Variants in PRDM16 observed in about 807,000 individuals in gnomAD.
PRDM16 encodes the protein PR/SET domain 16, also known as histone-lysine N-methyltransferase PRDM16.
PRDM16 carries 23 observed loss-of-function variants against 110.6 expected under a neutral mutation model. That is an observed-to-expected ratio of 0.21 (90% CI 0.15 to 0.29). The LOEUF (loss-of-function observed/expected upper bound fraction) is 0.29. Ranked by LOEUF, PRDM16 falls within the 10% of genes least tolerant of loss-of-function variation. The pLI is 1.00. For synonymous variants in PRDM16, 799 were observed against 781.8 expected (o/e 1.02, Z -0.37); for missense variants, 1,615 against 1,794.3 (o/e 0.90, Z 1.81).
intron 2 of PRDM16, among the ~76,000 whole-genome samples, chr1:3,231,689 C>CT (rs1639419832): frequency 1.3e-5 from 2 of 152,238 alleles, no homozygotes; most frequent in Admixed American, 6.5e-5. Context: ...GGCAGGTGGC[C>CT]TTGGCCGTAC....
chr1:3,160,812 C>T lies in PRDM16; in HGVS notation c.38-25313C>T, dbSNP rs146202477. Among the ~76,000 whole-genome samples the T allele has an allele frequency of 7.6e-3, 1,151 of 152,346 alleles. 15 individuals carry two copies. Among genetic ancestry groups the T allele is most frequent in the African/African-American group, 0.026 (1,066 of 41,564 alleles). On this transcript the variant is annotated intron_variant, in intron 1 of 16. Coordinates refer to ENST00000270722, the MANE Select transcript of PRDM16 (RefSeq NM_022114.4). ...ATGGGCGGGGCACTGTTGCCACCTG[C>T]ACTTCCAGACAGGGTAGCTGGGCTC...
intron 3 of PRDM16, among the ~76,000 whole-genome samples, chr1:3,301,492 T>C (rs1051240456): frequency 6.6e-6 from 1 of 152,198 alleles, no homozygotes; most frequent in Non-Finnish European, 1.5e-5. Flanking sequence ...GTGACTCCTT[T>C]ATTAAACCCT....
At chr1:3,097,744 G>C (rs1346793130) in intron 1 of PRDM16, among the ~76,000 whole-genome samples, 5 of 152,192 alleles carry the variant, frequency 3.3e-5, no homozygotes, top group Non-Finnish European at 7.3e-5. Flanking sequence ...GGCCTGGGAA[G>C]GTTCCTCAGG....
At chr1:3,238,990 CG>C (rs1557550266) in intron 2 of PRDM16, among the ~76,000 whole-genome samples, 1 of 152,146 alleles carries the variant, frequency 6.6e-6, no homozygotes, top group Non-Finnish European at 1.5e-5. Flanking sequence ...TCCGCGTCTG[CG>C]GTGCCTGGGA....
chr1:3,166,730 C>T (rs12080488), intron 1 of PRDM16, among the ~76,000 whole-genome samples: 9,149 of 152,180 alleles, frequency 0.06, 780 homozygotes, highest in East Asian at 0.23. Context: ...GGCCTGGGGC[C>T]CGGCCCAGGT....
chr1:3,364,819 G>C (rs909497860), intron 3 of PRDM16, among the ~76,000 whole-genome samples: 1 of 152,242 alleles, frequency 6.6e-6, no homozygotes, highest in Non-Finnish European at 1.5e-5. Flanking sequence ...GCCCCGAGCA[G>C]GACACGTTGC....
chr1:3,171,559 T>TA, intron 1 of PRDM16, among the ~76,000 whole-genome samples: 1 of 152,250 alleles, frequency 6.6e-6, no homozygotes, highest in African/African-American at 2.4e-5. Context: ...GTATCCCACT[T>TA]ACAGCCTCCG....
Position 3,385,194 on chromosome 1 carries a change from A to G in PRDM16, c.481A>G (p.Asn161Asp), listed in dbSNP as rs374664141. The G allele has an allele frequency of 8.0e-5, 129 of 1,613,698 alleles. No homozygotes were observed. The African/African-American group carries it at 1.6e-3, about 20-fold the overall frequency. The change falls in exon 4 of 17, where the codon AAT becomes GAT. Residue 161 changes from asparagine (N) to aspartate (D), a missense_variant. Physicochemically the swap from Asn to Asp is conservative, Grantham distance 23. This residue lies in a region of PRDM16 where 416 missense variants were observed against 467.1 expected (regional missense o/e 0.89). Transcript: ENST00000270722. ...CAGTGAGAAGTTCTGCGTGGATGCA[A>G]ATCAGGCGGGGGCTGGCAGCTGGCT... is the stretch of plus-strand genomic sequence containing the variant. ...LGSEKFCVDA[N>D]QAGAGSWLKY...
At chr1:3,385,730 G>A (rs1001633173) in intron 4 of PRDM16, among the ~76,000 whole-genome samples, 1 of 152,188 alleles carries the variant, frequency 6.6e-6, no homozygotes, top group African/African-American at 2.4e-5. Context: ...GGCCAATGAG[G>A]CAGCCACTCG....
intron 1 of PRDM16, among the ~76,000 whole-genome samples, chr1:3,165,534 C>T: frequency 1.7e-5 from 2 of 115,104 alleles, no homozygotes; most frequent in Non-Finnish European, 1.7e-5. Flanking sequence ...GACAGTGACT[C>T]ACCTGGGCTC....
chr1:3,314,641 GTGT>G (rs754752346), intron 3 of PRDM16, among the ~76,000 whole-genome samples: 15 of 151,822 alleles, frequency 9.9e-5, no homozygotes, highest in Non-Finnish European at 1.8e-4. Context: ...GGGTTTTTGT[GTGT>G]TGTTGTTGTT....
Position 3,149,501 on chromosome 1 carries a change from T to G in PRDM16, c.38-36624T>G, listed in dbSNP as rs112702464. ...TGCCACTCCTGGCTGAGGACGTCAG[T>G]CTACACAAGGGTGCATACCTGTGTA... On this transcript the variant is annotated intron_variant, in intron 1 of 16. Transcript: ENST00000270722. 3.6e-3 allele frequency among the ~76,000 whole-genome samples: 545 copies of G among 152,256 alleles called. 5 individuals carry two copies. The highest frequency in any genetic ancestry group is 0.013 in the African/African-American group (523 of 41,554).
intron 3 of PRDM16, among the ~76,000 whole-genome samples, chr1:3,335,620 CA>C (rs1557617115): frequency 6.6e-6 from 1 of 151,916 alleles, no homozygotes; most frequent in African/African-American, 2.4e-5. Context: ...CACACACACA[CA>C]CACACACACA....
At chr1:3,087,286 C>T (rs1188245110) in intron 1 of PRDM16, among the ~76,000 whole-genome samples, 1 of 151,334 alleles carries the variant, frequency 6.6e-6, no homozygotes, top group Non-Finnish European at 1.5e-5. Context: ...GAGGCCAGCC[C>T]CACCTGAGAC....
chr1:3,225,517 A>T (rs1639265039), intron 2 of PRDM16, among the ~76,000 whole-genome samples: 2 of 144,702 alleles, frequency 1.4e-5, no homozygotes, highest in Admixed American at 1.4e-4. Flanking sequence ...TGACCTGATG[A>T]TGTGCAGCTT....
At chr1:3,291,590 G>A (rs1432045817) in intron 3 of PRDM16, among the ~76,000 whole-genome samples, 2 of 152,066 alleles carry the variant, frequency 1.3e-5, no homozygotes, top group Admixed American at 6.5e-5. Flanking sequence ...ATCCCCTCTT[G>A]AAGGGGCCTC....
At chr1:3,116,386 C>T (rs1001968270) in intron 1 of PRDM16, among the ~76,000 whole-genome samples, 3 of 152,148 alleles carry the variant, frequency 2.0e-5, no homozygotes, top group African/African-American at 7.2e-5. Flanking sequence ...CGCGGGTTCA[C>T]GGGTGGCCTG....
intron 1 of PRDM16, among the ~76,000 whole-genome samples, chr1:3,105,312 A>G (rs1188690204): frequency 6.6e-6 from 1 of 152,186 alleles, no homozygotes; most frequent in African/African-American, 2.4e-5. Context: ...CGCTTCCTCC[A>G]GGCACCTGGC....
rs113375363 is a variant in PRDM16, at chr1:3,102,196, A to G, written c.37+32900A>G. Among the ~76,000 whole-genome samples, 5 of 152,260 alleles carry G rather than the reference A, an allele frequency of 3.3e-5. 1 individual carries two copies. The highest frequency in any genetic ancestry group is 1.2e-4 in the African/African-American group (5 of 41,552). On this transcript the variant is annotated intron_variant, in intron 1 of 16. Coordinates refer to ENST00000270722, the MANE Select transcript of PRDM16 (RefSeq NM_022114.4). ...GAGGGTGGGCAGTGAGTCCAGCCGC[A>G]CAGGGAGCCAGGTAGAGGTGGCGCC...
Sources: gnomAD v4.1 joint callset for allele counts (sites outside exome capture counted in the v4.1 genomes callset) on GRCh38, gnomAD v4.1.1 for gene constraint, gnomAD v4.1.1 regional missense constraint, MANE v1.5 for transcripts, NCBI Gene and HGNC (gene_info 2026-07-23, HGNC 2026-07-21) for gene names.